The following SDHC variants were observed in gnomAD, a reference collection of about 807,000 sequenced individuals.
SDHC encodes the protein succinate dehydrogenase complex subunit C.
SDHC carries 11 observed loss-of-function variants against 22.6 expected under a neutral mutation model. That is an observed-to-expected ratio of 0.49 (90% CI 0.31 to 0.81). The LOEUF is 0.81. Among genes scored for constraint, SDHC ranks in the 30% least tolerant of loss-of-function variants. The pLI, the probability that SDHC is intolerant of heterozygous loss-of-function variation, is 0.05. For missense variants in SDHC, 160 were observed against 212.0 expected (o/e 0.75, Z 1.52); for synonymous variants, 80 against 77.8 (o/e 1.03, Z -0.15).
chr1:161,318,064 C>T (rs1317868275), intron 1 of SDHC, among the ~76,000 whole-genome samples: 5 of 151,710 alleles, frequency 3.3e-5, no homozygotes, highest in South Asian at 2.1e-4. Context: ...CCCAGCTACT[C>T]GGGAGGCTAA....
rs547789947 is a variant in SDHC, at chr1:161,362,658, T to G, written c.*225T>G. The G allele has an allele frequency of 7.1e-7, 1 of 1,409,154 alleles. No homozygotes were observed. Among genetic ancestry groups the G allele is most frequent in the Admixed American group, 2.1e-5 (1 of 46,522 alleles). The allele number at this position is 1,409,154 out of a possible 1,614,324, so 87.3% of individuals were successfully genotyped here. A position where few individuals can be genotyped will look rare whatever the true frequency, so the allele number is the denominator to read the frequency against. On this transcript the variant is annotated 3_prime_UTR_variant, in exon 6 of 6. Transcript: ENST00000367975. ...GATGAGGTGGCTGCAAAAACTCCCC[T>G]TTTTTGCCCACAGCTTGCCTACTCT...
chr1:161,331,441 A>G (rs569580033), intron 3 of SDHC, among the ~76,000 whole-genome samples: 1 of 151,476 alleles, frequency 6.6e-6, no homozygotes, highest in Non-Finnish European at 1.5e-5. Context: ...TAATTTTTGT[A>G]TTTTTTTATA....
At chr1:161,335,736 T>C (rs1049110286) in intron 3 of SDHC, among the ~76,000 whole-genome samples, 2 of 152,196 alleles carry the variant, frequency 1.3e-5, no homozygotes, top group African/African-American at 4.8e-5. Flanking sequence ...GGTCTGTGGA[T>C]AGAGGTAGCA....
At position 161,336,316 on chromosome 1, in the gene SDHC, G is replaced by A. The variant is rs149865440; in HGVS notation, c.180-4278G>A. 3.8e-3 allele frequency among the ~76,000 whole-genome samples: 582 copies of A among 152,096 alleles called. 7 individuals are homozygous for A. Among genetic ancestry groups the A allele is most frequent in the African/African-American group, 0.013 (558 of 41,508 alleles). On this transcript the variant is annotated intron_variant, in intron 3 of 5. Coordinates refer to ENST00000367975, the MANE Select transcript of SDHC (RefSeq NM_003001.5). ...CTAAAAATACAAAAATTAGCTGGCCGTGGTGGCACGTGCTTGTAGTCCCAG... is the reference window on the plus strand; with the variant it reads ...CTAAAAATACAAAAATTAGCTGGCCATGGTGGCACGTGCTTGTAGTCCCAG...
At chr1:161,337,674 A>G (rs1481972052) in intron 3 of SDHC, among the ~76,000 whole-genome samples, 1 of 152,198 alleles carries the variant, frequency 6.6e-6, no homozygotes, top group Non-Finnish European at 1.5e-5. Flanking sequence ...ACCGTTTTTG[A>G]AAAATAGGGT....
At position 161,352,955 on chromosome 1, in the gene SDHC, C is replaced by T. The variant is rs144500989; in HGVS notation, c.242-3722C>T. On this transcript the variant is annotated intron_variant, in intron 4 of 5. Coordinates refer to ENST00000367975, the MANE Select transcript of SDHC (RefSeq NM_003001.5). ...TCGTGCCACCGCACTCCAGTCTGGG[C>T]GACAGAGCGAGACTCCGTCTCAAAG... is the stretch of plus-strand genomic sequence containing the variant. 3.4e-3 allele frequency among the ~76,000 whole-genome samples: 512 copies of T among 151,352 alleles called. 3 individuals carry two copies. The highest frequency in any genetic ancestry group is 0.011 in the African/African-American group (469 of 41,144).
chr1:161,332,907 A>G (rs183001214), intron 3 of SDHC, among the ~76,000 whole-genome samples: 8 of 152,310 alleles, frequency 5.3e-5, no homozygotes, highest in African/African-American at 1.9e-4. Flanking sequence ...TGCTGGGATT[A>G]TAGGCATGAG....
chr1:161,360,918 T>G (rs56071922), intron 5 of SDHC, among the ~76,000 whole-genome samples: 17,797 of 151,930 alleles, frequency 0.12, 1,412 homozygotes, highest in African/African-American at 0.22. Context: ...TTTGAGACCA[T>G]CCTGGCCAAC....
chr1:161,314,555 C>A, intron 1 of SDHC, 130 bp downstream of exon 1: 2 of 1,119,344 alleles, frequency 1.8e-6, no homozygotes, highest in Non-Finnish European at 2.7e-6. Flanking sequence ...GGAGGCCAAG[C>A]GCTCGGGGAT....
intron 3 of SDHC, among the ~76,000 whole-genome samples, chr1:161,331,048 G>A (rs1393330595): frequency 6.6e-6 from 1 of 151,246 alleles, no homozygotes; most frequent in African/African-American, 2.4e-5. Context: ...TTGTGTCATG[G>A]GAATTTGCTC....
chr1:161,322,571 G>GT (rs61699343), intron 1 of SDHC, among the ~76,000 whole-genome samples: 14,218 of 140,658 alleles, frequency 0.1, 861 homozygotes, highest in East Asian at 0.21. Context: ...GTTTGTTTTT[G>GT]TTTTTTTTTT....
chr1:161,327,926 A>T (rs1407193618), intron 2 of SDHC, among the ~76,000 whole-genome samples: 1 of 150,978 alleles, frequency 6.6e-6, no homozygotes, highest in African/African-American at 2.4e-5. Flanking sequence ...AACAAGATGG[A>T]GTCGATTTTA....
chr1:161,314,478 C>G, intron 1 of SDHC, 53 bp downstream of exon 1: 3 of 1,598,462 alleles, frequency 1.9e-6, no homozygotes, highest in South Asian at 2.2e-5. Context: ...GAGATCTGAA[C>G]TGGCCCCTCA....
rs903274613 is a variant in SDHC at position 161,356,904 on chromosome 1, T to C, written c.405+64T>C. On this transcript the variant is annotated intron_variant, in intron 5 of 5. Coordinates refer to ENST00000367975, the MANE Select transcript of SDHC (RefSeq NM_003001.5). Reference sequence around the variant, plus strand: ...GGAGTGGGGAGACTGGGAGGATTCTTTCCTTCATTACTGGGTTTAGTGCTG... The same window carrying C: ...GGAGTGGGGAGACTGGGAGGATTCTCTCCTTCATTACTGGGTTTAGTGCTG... 7.9e-6 allele frequency: 12 copies of C among 1,514,178 alleles called. No homozygotes were observed. In the Admixed American group the frequency reaches 2.0e-4, roughly 25 times the overall value. 93.8% of individuals were successfully genotyped at this position (1,514,178 alleles called of 1,614,324 possible).
chr1:161,329,604 T>G (rs1671200186), intron 3 of SDHC, among the ~76,000 whole-genome samples: 1 of 152,214 alleles, frequency 6.6e-6, no homozygotes, highest in Non-Finnish European at 1.5e-5. Flanking sequence ...AGTGCTGGGA[T>G]TATAGGCATG....
intron 4 of SDHC, among the ~76,000 whole-genome samples, chr1:161,344,617 G>C (rs1367066461): frequency 6.6e-6 from 1 of 152,092 alleles, no homozygotes; most frequent in Non-Finnish European, 1.5e-5. Flanking sequence ...TATAACTACA[G>C]CATTTTCTTC....
At position 161,350,293 on chromosome 1, in the gene SDHC, C is replaced by T. The variant is rs184827042; in HGVS notation, c.242-6384C>T. On this transcript the variant is annotated intron_variant, in intron 4 of 5. Coordinates refer to ENST00000367975, the MANE Select transcript of SDHC (RefSeq NM_003001.5). ...TCTCAACTCCTGAGCTCAAGTGATC[C>T]GCCTACCTTGGCCTCCCAAAGTGCT... Among the ~76,000 whole-genome samples the T allele has an allele frequency of 2.8e-3, 419 of 152,282 alleles. 5 individuals are homozygous for T. Among genetic ancestry groups the T allele is most frequent in the Non-Finnish European group, 1.4e-3 (94 of 68,036 alleles).
Position 161,331,423 on chromosome 1 carries a change from C to A in SDHC, c.179+2926C>A, listed in dbSNP as rs549840240. On this transcript the variant is annotated intron_variant, in intron 3 of 5. Coordinates refer to ENST00000367975, the MANE Select transcript of SDHC (RefSeq NM_003001.5). ...GCTGGGACTACAGTGCATGTCACCA[C>A]GCCCAGCTAATTTTTGTATTTTTTT... Among the ~76,000 whole-genome samples the A allele has an allele frequency of 3.0e-3, 451 of 151,790 alleles. 1 individual carries two copies. Among genetic ancestry groups the A allele is most frequent in the South Asian group, 0.015 (70 of 4,804 alleles).
At chr1:161,317,326 C>T (rs924180541) in intron 1 of SDHC, among the ~76,000 whole-genome samples, 22 of 151,542 alleles carry the variant, frequency 1.5e-4, no homozygotes, top group Non-Finnish European at 1.2e-4. Context: ...CAACGCTTGG[C>T]CTTTATTTTT....
Sources: gnomAD v4.1 joint callset for allele counts (sites outside exome capture counted in the v4.1 genomes callset) on GRCh38, gnomAD v4.1.1 for gene constraint, MANE v1.5 for transcripts, NCBI Gene and HGNC (gene_info 2026-07-23, HGNC 2026-07-21) for gene names.